UBE3D: variants seen among roughly 807,000 people sequenced by gnomAD.
UBE3D encodes E3 ubiquitin-protein ligase E3D.
UBE3D carries 48 observed loss-of-function variants against 49.6 expected under a neutral mutation model. The ratio of observed to expected loss-of-function variants is 0.97; its 90% confidence interval spans 0.77 to 1.23. The LOEUF (loss-of-function observed/expected upper bound fraction) is 1.23. UBE3D is among the 50% of genes most tolerant of loss of function. The pLI is 0.00. For missense variants in UBE3D, 452 were observed against 468.4 expected (o/e 0.96, Z 0.32); for synonymous variants, 189 against 174.2 (o/e 1.08, Z -0.67).
At chr6:82,976,803 G>C (rs191171938) in intron 8 of UBE3D, among the ~76,000 whole-genome samples, 9 of 152,168 alleles carry the variant, frequency 5.9e-5, no homozygotes, top group African/African-American at 1.7e-4. Flanking sequence ...ACTTACACTA[G>C]TACTACTGAG....
At chr6:82,966,748 T>C (rs1042835848) in intron 8 of UBE3D, among the ~76,000 whole-genome samples, 2 of 152,114 alleles carry the variant, frequency 1.3e-5, no homozygotes, top group African/African-American at 4.8e-5. Context: ...AAAAAAGAAT[T>C]TGTGGAAAAA....
intron 8 of UBE3D, among the ~76,000 whole-genome samples, chr6:82,973,408 G>T (rs1212911691): frequency 6.6e-6 from 1 of 152,074 alleles, no homozygotes; most frequent in Non-Finnish European, 1.5e-5. Context: ...GCACTAAAAG[G>T]CATCTCCTCC....
At position 83,018,990 on chromosome 6, in the gene UBE3D, G is replaced by C. The variant is rs897918443; in HGVS notation, c.993C>G (p.Ile331Met). 2.5e-6 allele frequency: 4 copies of C among 1,612,422 alleles called. No homozygotes were observed. The highest frequency in any genetic ancestry group is 1.7e-6 in the Non-Finnish European group (2 of 1,179,536). The change falls in exon 8 of 10, where the codon ATC becomes ATG. Residue 331 changes from isoleucine (I) to methionine (M), a missense_variant. By Grantham distance (10) the Ile-to-Met change is conservative. Transcript: ENST00000369747. ...SAVKVLYQPC[I>M]KSRNEKLVSL... ...CAACTTACTTTTCATTCCTGCTTTT[G>C]ATGCATGGCTGGTAGAGGACCTTGA... is the stretch of plus-strand genomic sequence containing the variant.
chr6:82,985,005 CTTCTTTT>C (rs1463438897), intron 8 of UBE3D, among the ~76,000 whole-genome samples: 1 of 61,474 alleles, frequency 1.6e-5, no homozygotes, highest in Non-Finnish European at 3.2e-5. Flanking sequence ...TCTTCTTCTT[CTTCTTTT>C]TTTTTTTTTT....
the UBE3D span, among the ~76,000 whole-genome samples, chr6:82,882,723 C>T: frequency 1.3e-5 from 2 of 152,172 alleles, no homozygotes; most frequent in African/African-American, 2.4e-5. Flanking sequence ...TGGGTTTCTA[C>T]TTATTACAGT....
chr6:82,916,771 T>G (rs1261116488), intron 9 of UBE3D, among the ~76,000 whole-genome samples: 2 of 152,218 alleles, frequency 1.3e-5, no homozygotes, highest in Admixed American at 1.3e-4. Context: ...AATCTCATGC[T>G]TTCAGCTGAA....
chr6:82,915,953 G>C (rs1772884159), intron 9 of UBE3D, among the ~76,000 whole-genome samples: 1 of 152,110 alleles, frequency 6.6e-6, no homozygotes, highest in South Asian at 2.1e-4. Context: ...GTTCAACAGA[G>C]CACTGGGCTG....
At chr6:82,945,787 G>A (rs1250647811) in intron 9 of UBE3D, among the ~76,000 whole-genome samples, 1 of 152,116 alleles carries the variant, frequency 6.6e-6, no homozygotes, top group Non-Finnish European at 1.5e-5. Context: ...AAGGAATTCA[G>A]AATGTTATCA....
rs369961599 is a variant in UBE3D at position 83,061,002 on chromosome 6, T to C, written c.78-2980A>G. 2.0e-5 allele frequency among the ~76,000 whole-genome samples: 3 copies of C among 152,312 alleles called. No individual in the cohort carries two copies. In the East Asian group the frequency reaches 5.8e-4, roughly 29 times the overall value. On this transcript the variant is annotated intron_variant, in intron 1 of 9. Transcript: ENST00000369747. ...ATTATGAAGAGAAAAAGAGTAACTT[T>C]AAGGTAGAGAAGCATGGCAGACACT...
At chr6:83,008,628 G>C (rs1267925437) in intron 8 of UBE3D, among the ~76,000 whole-genome samples, 1 of 152,092 alleles carries the variant, frequency 6.6e-6, no homozygotes, top group East Asian at 1.9e-4. Context: ...TAAAACCATA[G>C]TTACATTTTC....
chr6:82,991,451 A>C (rs1436824915), intron 8 of UBE3D, among the ~76,000 whole-genome samples: 3 of 152,182 alleles, frequency 2.0e-5, no homozygotes, highest in African/African-American at 7.2e-5. Context: ...CACTATATTG[A>C]GTTAGGTAGG....
chr6:82,983,067 C>T (rs1034886556), intron 8 of UBE3D, among the ~76,000 whole-genome samples: 1 of 151,886 alleles, frequency 6.6e-6, no homozygotes, highest in East Asian at 1.9e-4. Flanking sequence ...CTCACTGCAG[C>T]CTCAAACTCC....
intron 8 of UBE3D, among the ~76,000 whole-genome samples, chr6:82,993,142 CAGAG>C (rs976193597): frequency 7.5e-5 from 11 of 147,132 alleles, no homozygotes; most frequent in African/African-American, 2.3e-4. Flanking sequence ...GAGAGAGAGA[CAGAG>C]AGAGAGAGAG....
chr6:82,996,046 CAG>C (rs1037092058), intron 8 of UBE3D, among the ~76,000 whole-genome samples: 5 of 151,998 alleles, frequency 3.3e-5, no homozygotes, highest in Non-Finnish European at 7.4e-5. Flanking sequence ...GCCTGGGAGA[CAG>C]AGCAAGACTC....
intron 7 of UBE3D, among the ~76,000 whole-genome samples, chr6:83,020,339 CTGT>C (rs1780998061): frequency 1.2e-5 from 1 of 81,612 alleles, no homozygotes; most frequent in Non-Finnish European, 2.3e-5. Flanking sequence ...TCATGTGATA[CTGT>C]TTTTTTTTTT....
At chr6:82,951,834 G>C (rs1168435422) in intron 9 of UBE3D, among the ~76,000 whole-genome samples, 3 of 151,540 alleles carry the variant, frequency 2.0e-5, no homozygotes, top group Non-Finnish European at 4.4e-5. Flanking sequence ...AGTCTCAAAA[G>C]AAAGAGATGG....
At chr6:82,989,490 G>C (rs1778740289) in intron 8 of UBE3D, among the ~76,000 whole-genome samples, 2 of 151,972 alleles carry the variant, frequency 1.3e-5, no homozygotes, top group African/African-American at 4.8e-5. Context: ...AAACTTTTTT[G>C]TAAAGGGCCA....
At chr6:82,930,552 C>A (rs180981784) in intron 9 of UBE3D, among the ~76,000 whole-genome samples, 72 of 152,174 alleles carry the variant, frequency 4.7e-4, no homozygotes, top group Middle Eastern at 3.4e-3. Context: ...TGGCTTTGAC[C>A]AAAATGCTGA....
intron 1 of UBE3D, among the ~76,000 whole-genome samples, chr6:83,060,629 A>G (rs1170375717): frequency 6.6e-6 from 1 of 152,148 alleles, no homozygotes; most frequent in Non-Finnish European, 1.5e-5. Context: ...GCTTTAAAAA[A>G]CGAAATGAAC....
Sources: allele counts gnomAD v4.1 joint callset (sites outside exome capture counted in the v4.1 genomes callset), GRCh38; gene constraint gnomAD v4.1.1; transcripts MANE v1.5; gene names NCBI Gene and HGNC (gene_info 2026-07-23, HGNC 2026-07-21).